TNIK: variants seen among roughly 807,000 people sequenced by gnomAD.
TNIK encodes TRAF2 and NCK interacting kinase, also known as TRAF2 and NCK-interacting protein kinase.
TNIK carries 49 observed loss-of-function variants against 191.3 expected under a neutral mutation model. The ratio of observed to expected loss-of-function variants is 0.26; its 90% CI spans 0.20 to 0.32. The LOEUF is 0.32. Ranked by LOEUF, TNIK falls within the 10% of genes least tolerant of loss-of-function variation. The pLI, the probability that TNIK is intolerant of heterozygous loss-of-function variation, is 1.00. For missense variants in TNIK, 1,155 were observed against 1,702.3 expected, an observed-to-expected ratio of 0.68 and a Z score of 5.66; for synonymous variants, 594 against 600.9, an observed-to-expected ratio of 0.99 and a Z score of 0.17.
At chr3:171,177,196 A>G in intron 8 of TNIK, 130 bp downstream of exon 8, 1 of 819,672 alleles carries the variant, frequency 1.2e-6, no homozygotes. Flanking sequence ...TCTGCTTTCT[A>G]AATATGCCAG....
At chr3:171,403,990 C>A (rs1165842429) in intron 1 of TNIK, among the ~76,000 whole-genome samples, 1 of 152,116 alleles carries the variant, frequency 6.6e-6, no homozygotes, top group Non-Finnish European at 1.5e-5. Flanking sequence ...CAGGATATGG[C>A]TACAGCCTTG....
At position 171,061,732 on chromosome 3, in the gene TNIK, A is replaced by G. The variant is rs1717850776; in HGVS notation, c.*2149T>C. 6.6e-6 allele frequency: 1 copy of G among 152,232 alleles called. No individual in the cohort carries two copies. The highest frequency in any genetic ancestry group is 6.5e-5 in the Admixed American group (1 of 15,274). 9.4% of individuals were successfully genotyped at this position (152,232 alleles called of 1,614,324 possible). A position where few individuals can be genotyped will look rare whatever the true frequency, so the allele number is the denominator to read the frequency against. Reference sequence around the variant, plus strand: ...ATTCGGGAGTGAAATCGAAATCAATATATTTTGTCCACATCAGCATCCAAT... The same window carrying G: ...ATTCGGGAGTGAAATCGAAATCAATGTATTTTGTCCACATCAGCATCCAAT... On this transcript the variant is annotated 3_prime_UTR_variant, in exon 33 of 33. Coordinates refer to ENST00000436636, the MANE Select transcript of TNIK (RefSeq NM_015028.4).
At chr3:171,218,439 G>A (rs1741724036) in intron 3 of TNIK, among the ~76,000 whole-genome samples, 1 of 151,900 alleles carries the variant, frequency 6.6e-6, no homozygotes, top group African/African-American at 2.4e-5. Context: ...TCACTCATGT[G>A]GCTAAAGTCT....
intron 2 of TNIK, among the ~76,000 whole-genome samples, chr3:171,288,997 CAG>C (rs1397734708): frequency 6.6e-6 from 1 of 152,002 alleles, no homozygotes; most frequent in Non-Finnish European, 1.5e-5. Context: ...ATTTGACCTG[CAG>C]GGACGAATTG....
Position 171,087,357 on chromosome 3 carries a change from C to T in TNIK, c.2871G>A (p.Met957Ile), listed in dbSNP as rs997693831. The change falls in exon 24 of 33, where the codon ATG becomes ATA. Residue 957 changes from methionine (M) to isoleucine (I), a missense_variant. Physicochemically the swap from Met to Ile is conservative, Grantham distance 10. Around this residue, in one of 3 missense-constraint regions of TNIK, gnomAD observed 735 missense variants for 848.0 expected, o/e 0.87. Transcript: ENST00000436636. The part of the protein sequence containing the change: ...LGRVSTHSQE[M>I]DSGTEYGMGS... ...CAGCACCTACTTCAGTCCCAGAGTC[C>T]ATCTCCTGGGAATGGGTTGAGACGC... The T allele has an allele frequency of 6.2e-7, 1 of 1,613,904 alleles. No individual in the cohort carries two copies. The highest frequency in any genetic ancestry group is 1.1e-5 in the South Asian group (1 of 91,074).
At chr3:171,322,616 T>C (rs537033659) in intron 2 of TNIK, among the ~76,000 whole-genome samples, 25 of 152,160 alleles carry the variant, frequency 1.6e-4, no homozygotes, top group Non-Finnish European at 3.4e-4. Context: ...ACTTGAAAAC[T>C]TGGTCTACTT....
rs1158236766 is a variant in TNIK, at chr3:171,159,904, G to T, written c.1016+1366C>A. On this transcript the variant is annotated intron_variant, in intron 11 of 32. Coordinates refer to ENST00000436636, the MANE Select transcript of TNIK (RefSeq NM_015028.4). This position sits in a 1 kb window ranked among gnomAD's most constrained non-coding sequence, Gnocchi z 4.1. ...ATAATGACATGTTATAATTACGGAAGTGTTAAGGTACGGCTGGGCTGGCTC... is the reference window on the plus strand; with the variant it reads ...ATAATGACATGTTATAATTACGGAATTGTTAAGGTACGGCTGGGCTGGCTC... 2.0e-5 allele frequency among the ~76,000 whole-genome samples: 3 copies of T among 152,234 alleles called. No individual in the cohort carries two copies. Among genetic ancestry groups the T allele is most frequent in the Admixed American group, 6.5e-5 (1 of 15,290 alleles).
At chr3:171,146,567 T>A (rs1731618135) in intron 12 of TNIK, among the ~76,000 whole-genome samples, 1 of 152,066 alleles carries the variant, frequency 6.6e-6, no homozygotes, top group East Asian at 1.9e-4. Context: ...CTGCCACCAA[T>A]ACGAACACTG....
intron 16 of TNIK, among the ~76,000 whole-genome samples, chr3:171,126,982 A>G (rs1003226579): frequency 6.6e-6 from 1 of 152,242 alleles, no homozygotes; most frequent in Non-Finnish European, 1.5e-5. Flanking sequence ...CCTCATAGTT[A>G]GTGCTTATCT....
chr3:171,146,130 G>T (rs1391467604), intron 12 of TNIK, among the ~76,000 whole-genome samples: 1 of 152,198 alleles, frequency 6.6e-6, no homozygotes, highest in Admixed American at 6.5e-5. Flanking sequence ...TCAGGCCTCA[G>T]AGCAGATTGG....
chr3:171,248,777 C>G (rs1183454242), intron 2 of TNIK, among the ~76,000 whole-genome samples: 1 of 152,128 alleles, frequency 6.6e-6, no homozygotes, highest in Non-Finnish European at 1.5e-5. Context: ...AATATTATAC[C>G]ATTTTACAAG....
chr3:171,315,711 C>T (rs991631707), intron 2 of TNIK, among the ~76,000 whole-genome samples: 1 of 151,976 alleles, frequency 6.6e-6, no homozygotes, highest in African/African-American at 2.4e-5. Flanking sequence ...TCTTGACATT[C>T]CCTGGCTTAC....
chr3:171,321,460 T>A (rs1299940583), intron 2 of TNIK, among the ~76,000 whole-genome samples: 4 of 152,230 alleles, frequency 2.6e-5, no homozygotes. Context: ...ATTGTTTTGA[T>A]ATTTGAGTTG....
At chr3:171,294,653 G>A (rs1466085767) in intron 2 of TNIK, among the ~76,000 whole-genome samples, 1 of 152,042 alleles carries the variant, frequency 6.6e-6, no homozygotes. Context: ...CCCGGGAAAC[G>A]GAGGTTGCAG....
At chr3:171,216,725 C>G (rs531693711) in intron 3 of TNIK, among the ~76,000 whole-genome samples, 2 of 152,208 alleles carry the variant, frequency 1.3e-5, no homozygotes, top group South Asian at 2.1e-4. Flanking sequence ...AAAATTATCT[C>G]AGGGTCAAGT....
chr3:171,400,619 C>A (rs1377804541), intron 1 of TNIK, among the ~76,000 whole-genome samples: 1 of 108,044 alleles, frequency 9.3e-6, no homozygotes, highest in Non-Finnish European at 2.1e-5. Context: ...CAGACCCCAG[C>A]CAGAAAGACA....
chr3:171,172,535 T>G (rs1735427417), intron 9 of TNIK, among the ~76,000 whole-genome samples: 1 of 152,184 alleles, frequency 6.6e-6, no homozygotes. Flanking sequence ...TACTCTGAAG[T>G]GTTTAAATAT....
chr3:171,093,839 C>T lies in TNIK; in HGVS notation c.2721G>A (p.Glu907=). ...ISREGTLMIR[E]TSGEKKRSGH... ...CTACACAGTTTTTATACCAACTTACCTCTCTAATCATCAAGGTTCCTTCTC... is the reference window on the plus strand; with the variant it reads ...CTACACAGTTTTTATACCAACTTACTTCTCTAATCATCAAGGTTCCTTCTC... Residue 907 remains glutamate, a splice_region_variant and synonymous_variant, in exon 23 of 33, where the codon GAG becomes GAA. Coordinates refer to ENST00000436636, the MANE Select transcript of TNIK (RefSeq NM_015028.4). The T allele has an allele frequency of 6.2e-7, 1 of 1,613,252 alleles. No homozygotes were observed. Among genetic ancestry groups the T allele is most frequent in the Non-Finnish European group, 8.5e-7 (1 of 1,179,524 alleles).
At chr3:171,410,023 AG>A (rs1433176729) in intron 1 of TNIK, among the ~76,000 whole-genome samples, 1 of 152,106 alleles carries the variant, frequency 6.6e-6, no homozygotes, top group Non-Finnish European at 1.5e-5. Context: ...CAAACAAGCA[AG>A]GCAAAGTTAA....
Sources: allele counts gnomAD v4.1 joint callset (sites outside exome capture counted in the v4.1 genomes callset), GRCh38; gene constraint gnomAD v4.1.1; regional missense constraint gnomAD v4.1.1; non-coding constraint Gnocchi (gnomAD v3.1); transcripts MANE v1.5; gene names NCBI Gene and HGNC (gene_info 2026-07-23, HGNC 2026-07-21).